MTM1: variants seen among roughly 807,000 people sequenced by gnomAD.
The protein encoded by MTM1 is myotubularin.
Under a neutral mutation model 52.1 loss-of-function variants are expected in MTM1, and 9 were observed. The observed-to-expected ratio is 0.17, with a 90% CI of 0.10 to 0.30. The LOEUF (loss-of-function observed/expected upper bound fraction) is 0.30. Among genes scored for constraint, MTM1 ranks in the 10% least tolerant of loss-of-function variants. MTM1 has a pLI of 1.00. For synonymous variants in MTM1, 136 were observed against 163.8 expected (o/e 0.83, Z 1.29); for missense variants, 277 against 470.7 (o/e 0.59, Z 3.81).
intron 1 of MTM1, among the ~76,000 whole-genome samples, chrX:150,583,192 TTA>T (rs1230349325): frequency 1.4e-5 from 1 of 73,000 alleles, no homozygotes; most frequent in Non-Finnish European, 2.3e-5. Flanking sequence ...TATATATAAA[TTA>T]TATATAAATT....
intron 4 of MTM1, among the ~76,000 whole-genome samples, chrX:150,599,024 A>G (rs1168264639): frequency 1.8e-5 from 2 of 111,153 alleles, no homozygotes; most frequent in Admixed American, 9.7e-5. Context: ...CACAGTATCC[A>G]TAAAAGTTAA....
At chrX:150,651,233 G>A (rs2040014723) in intron 10 of MTM1, among the ~76,000 whole-genome samples, 1 of 100,820 alleles carries the variant, frequency 9.9e-6, no homozygotes, top group Admixed American at 1.2e-4. Context: ...AATTGTAAAA[G>A]TGCTATAGAA....
At chrX:150,651,621 C>T (rs1307398937) in intron 10 of MTM1, among the ~76,000 whole-genome samples, 1 of 110,730 alleles carries the variant, frequency 9.0e-6, no homozygotes, top group Non-Finnish European at 1.9e-5. Context: ...AGTGATGGGC[C>T]GTCCACCTGG....
At chrX:150,603,882 C>T (rs1233207252) in intron 4 of MTM1, among the ~76,000 whole-genome samples, 2 of 111,293 alleles carry the variant, frequency 1.8e-5, no homozygotes, top group Non-Finnish European at 3.8e-5. Flanking sequence ...TTCCATGGTG[C>T]GGAGAGCGAG....
intron 14 of MTM1, 27 bp downstream of exon 14, chrX:150,663,636 T>C (rs1422396784): frequency 2.6e-6 from 3 of 1,165,317 alleles, no homozygotes; most frequent in Middle Eastern, 2.3e-4. Context: ...TGTTAAAAGA[T>C]AGCAATGTCA....
chrX:150,620,023 T>C (rs1008428718), intron 6 of MTM1, among the ~76,000 whole-genome samples: 49 of 111,700 alleles, frequency 4.4e-4, no homozygotes, highest in African/African-American at 1.5e-3. Context: ...CTTTTCTAAG[T>C]TTCTGATTAA....
rs1280723183 is a variant in MTM1 at position 150,630,785 on chromosome X, G to C, written c.445-8158G>C. Among the ~76,000 whole-genome samples the C allele has an allele frequency of 3.6e-5, 4 of 111,734 alleles. No individual in the cohort carries two copies. The Admixed American group carries it at 3.8e-4, about 11-fold the overall frequency. On this transcript the variant is annotated intron_variant, in intron 6 of 14. Coordinates refer to ENST00000370396, the MANE Select transcript of MTM1 (RefSeq NM_000252.3). The stretch of plus-strand genomic sequence containing the variant: ...AGGGGCTCTAAAACCACCCCCACGT[G>C]TGGTGATTCGATAACAGGACTCACT...
intron 10 of MTM1, among the ~76,000 whole-genome samples, chrX:150,653,024 A>G (rs782712410): frequency 1.8e-5 from 2 of 110,658 alleles, no homozygotes; most frequent in South Asian, 7.8e-4. Context: ...GTTTTAAGAG[A>G]CCTCTCTAAG....
chrX:150,655,850 T>C (rs1557414390), intron 10 of MTM1, among the ~76,000 whole-genome samples: 1 of 111,889 alleles, frequency 8.9e-6, no homozygotes, highest in Non-Finnish European at 1.9e-5. Flanking sequence ...CTAAATCTTA[T>C]TGCACTCACA....
At chrX:150,618,356 T>TA (rs1169504772) in intron 5 of MTM1, among the ~76,000 whole-genome samples, 2 of 111,440 alleles carry the variant, frequency 1.8e-5, no homozygotes, top group Admixed American at 9.6e-5. Context: ...GTTTTATAAT[T>TA]AAAAAAAATA....
intron 10 of MTM1, among the ~76,000 whole-genome samples, chrX:150,653,836 A>G (rs782739979): frequency 7.4e-4 from 83 of 112,221 alleles, no homozygotes; most frequent in Admixed American, 1.3e-3. Flanking sequence ...TTAAAGTATC[A>G]TATTGTTTTG....
At chrX:150,669,840 CT>C (rs1247502565) in intron 14 of MTM1, among the ~76,000 whole-genome samples, 27 of 112,192 alleles carry the variant, frequency 2.4e-4, no homozygotes, top group Admixed American at 2.2e-3. Flanking sequence ...CACTCTGATG[CT>C]AGTTTCTTTT....
chrX:150,646,610 C>T (rs1335646498), intron 9 of MTM1, among the ~76,000 whole-genome samples: 3 of 112,419 alleles, frequency 2.7e-5, no homozygotes, highest in East Asian at 2.8e-4. Flanking sequence ...CCTTCTCCTC[C>T]CATCATTGCT....
intron 13 of MTM1, among the ~76,000 whole-genome samples, chrX:150,662,514 GGGC>G (rs2040238094): frequency 9.1e-6 from 1 of 110,127 alleles, no homozygotes; most frequent in African/African-American, 3.3e-5. Context: ...GGTAGAGACG[GGGC>G]TTCACCATGT....
chrX:150,563,074 C>T, the MTM1 span, among the ~76,000 whole-genome samples: 1 of 110,662 alleles, frequency 9.0e-6, no homozygotes, highest in African/African-American at 3.3e-5. Context: ...TCTCCTGCTT[C>T]GGGAATGATA....
At chrX:150,648,611 C>T (rs1434640560) in intron 9 of MTM1, among the ~76,000 whole-genome samples, 1 of 112,777 alleles carries the variant, frequency 8.9e-6, no homozygotes, top group African/African-American at 3.2e-5. Context: ...TATGCCATTT[C>T]AAAACGTTTA....
At chrX:150,641,141 T>C (rs1557413841) in intron 7 of MTM1, 128 bp from the exon 8 acceptor site, 1 of 666,142 alleles carries the variant, frequency 1.5e-6, no homozygotes, top group African/African-American at 2.2e-5. Context: ...TATAAATAGG[T>C]AGACCGTCAT....
chrX:150,568,737 G>A (rs782430216), intron 1 of MTM1, 75 bp downstream of exon 1: 1 of 113,467 alleles, frequency 8.8e-6, no homozygotes, highest in African/African-American at 3.2e-5. Context: ...ATCGGGAGGA[G>A]GAAGTTGGGA....
intron 14 of MTM1, among the ~76,000 whole-genome samples, chrX:150,670,439 G>C (rs1353714269): frequency 1.8e-5 from 2 of 112,296 alleles, no homozygotes; most frequent in Admixed American, 1.9e-4. Context: ...GGCAAACCCA[G>C]CATTCATACC....
Sources: gnomAD v4.1 joint callset for allele counts (sites outside exome capture counted in the v4.1 genomes callset) on GRCh38, gnomAD v4.1.1 for gene constraint, MANE v1.5 for transcripts, NCBI Gene and HGNC (gene_info 2026-07-23, HGNC 2026-07-21) for gene names.